The following IDH1 variants were observed in gnomAD, a reference collection of about 807,000 sequenced individuals.
The protein encoded by IDH1 is isocitrate dehydrogenase [NADP] cytoplasmic.
IDH1 carries 33 observed loss-of-function variants against 46.1 expected under a neutral mutation model. That is an observed-to-expected ratio of 0.72 (90% confidence interval 0.54 to 0.96). IDH1 has a LOEUF of 0.96. IDH1 is among the 40% of genes least tolerant of loss of function. The probability of loss-of-function intolerance (pLI) is 0.00; values close to 1 mark genes in which losing one functional copy is unlikely to be tolerated. For missense variants in IDH1, 421 were observed against 515.7 expected (o/e 0.82, Z 1.78); for synonymous variants, 144 against 172.8 (o/e 0.83, Z 1.31).
chr2:208,254,885 G>A (rs190399516), intron 1 of IDH1, 54 bp downstream of exon 1: 3 of 152,442 alleles, frequency 2.0e-5, no homozygotes, highest in Admixed American at 2.0e-4. Flanking sequence ...TGCGGAATTA[G>A]AGCCACCCCT....
chr2:208,245,543 C>CTTATTT, intron 4 of IDH1, 119 bp from the exon 5 acceptor site: 1 of 310,858 alleles, frequency 3.2e-6, no homozygotes, highest in Admixed American at 6.3e-5. Context: ...GTATGTCAAA[C>CTTATTT]TTCTTTTTTT....
intron 5 of IDH1, 25 bp from the exon 6 acceptor site, chr2:208,243,629 G>GA: frequency 1.3e-6 from 2 of 1,577,356 alleles, no homozygotes; most frequent in Non-Finnish European, 8.7e-7. Context: ...CCAGTGAGAG[G>GA]AAAAAAGGGA....
At chr2:208,241,921 A>G (rs1239695804) in intron 7 of IDH1, 73 bp downstream of exon 7, 3 of 1,508,336 alleles carry the variant, frequency 2.0e-6, no homozygotes, top group Non-Finnish European at 2.8e-6. Context: ...AAGGACTACA[A>G]AACTCCCCTT....
rs548881825 is a variant in IDH1, at chr2:208,238,975, A to G, written c.1154+96T>C. The G allele has an allele frequency of 3.7e-4, 412 of 1,122,994 alleles. 3 individuals carry two copies. In the Admixed American group the frequency reaches 6.6e-3, roughly 18 times the overall value. The allele number at this position is 1,122,994 out of a possible 1,614,324, so 69.6% of individuals were successfully genotyped here. On this transcript the variant is annotated intron_variant, in intron 9 of 9. Coordinates refer to ENST00000345146, the MANE Select transcript of IDH1 (RefSeq NM_005896.4). ...TGCTGACTCCTGAACTAGATGATGA[A>G]TAACAATTTATATAATTCCAGAAAG...
Position 208,239,938 on chromosome 2 carries a change from C to G in IDH1, c.916G>C (p.Glu306Gln). ...CGGGTTACAGTCCCGTGGGCAGCCT[C>G]TGCTTCTACTGTCTTGCCATCTGGA... ...VCPDGKTVEAEAAHGTVTRHY... is the reference protein window; with the variant it reads ...VCPDGKTVEAQAAHGTVTRHY... Residue 306 changes from glutamate to glutamine, a missense_variant, in exon 8 of 10, where the codon GAG becomes CAG. Physicochemically the swap from Glu to Gln is conservative, Grantham distance 29 (BLOSUM62 2). Coordinates refer to ENST00000345146, the MANE Select transcript of IDH1 (RefSeq NM_005896.4). 1 of 1,614,194 alleles carries G rather than the reference C, an allele frequency of 6.2e-7. No individual in the cohort carries two copies. The highest frequency in any genetic ancestry group is 8.5e-7 in the Non-Finnish European group (1 of 1,180,026).
intron 3 of IDH1, 79 bp from the exon 4 acceptor site, chr2:208,248,739 G>C: frequency 7.5e-7 from 1 of 1,329,386 alleles, no homozygotes; most frequent in Non-Finnish European, 1.1e-6. Flanking sequence ...ATGGCATATA[G>C]AGCTCATTAT....
chr2:208,243,334 C>T, intron 6 of IDH1, 93 bp downstream of exon 6: 1 of 955,556 alleles, frequency 1.0e-6, no homozygotes, highest in Non-Finnish European at 1.6e-6. Flanking sequence ...ACTCAATTTA[C>T]CCAGAATCAT....
chr2:208,246,284 A>G (rs924277572), intron 4 of IDH1, among the ~76,000 whole-genome samples: 1 of 152,206 alleles, frequency 6.6e-6, no homozygotes, highest in Non-Finnish European at 1.5e-5. Context: ...ATCTTCTTCA[A>G]TGAATTGAAT....
At position 208,248,394 on chromosome 2, in the gene IDH1, A is replaced by G. The variant is rs1461843626; in HGVS notation, c.389T>C (p.Ile130Thr). Residue 130 changes from isoleucine to threonine, a missense_variant, in exon 4 of 10, where the codon ATA becomes ACA. Physicochemically the swap from Ile to Thr is moderately conservative, Grantham distance 89. Transcript: ENST00000345146. ...LVSGWVKPII[I>T]GRHAYGDQYR... ...TTGATCCCCATAAGCATGACGACCTATGATGATAGGTTTTACCCATCCACT... is the reference window on the plus strand; with the variant it reads ...TTGATCCCCATAAGCATGACGACCTGTGATGATAGGTTTTACCCATCCACT... 5 of 1,613,908 alleles carry G rather than the reference A, an allele frequency of 3.1e-6. No homozygotes were observed. In the South Asian group the frequency reaches 5.5e-5, roughly 18 times the overall value.
In IDH1 at chr2:208,251,590, T is replaced by C. The variant is rs372748968; in HGVS notation, c.-16-23A>G. On this transcript the variant is annotated intron_variant, in intron 2 of 9. Coordinates refer to ENST00000345146, the MANE Select transcript of IDH1 (RefSeq NM_005896.4). ...AACCTAAAAAGAAAAAAAAAATACA[T>C]GCCTTGTCATTTATTTCATTATAAA... 7.6e-6 allele frequency: 12 copies of C among 1,582,632 alleles called. 1 individual carries two copies. In the African/African-American group the frequency reaches 1.1e-4, roughly 14 times the overall value.
intron 8 of IDH1, among the ~76,000 whole-genome samples, chr2:208,239,624 C>T (rs1687880230): frequency 6.6e-6 from 1 of 152,194 alleles, no homozygotes; most frequent in African/African-American, 2.4e-5. Flanking sequence ...TTTCACTGCA[C>T]CAGAGGTAAA....
At position 208,237,654 on chromosome 2, in the gene IDH1, C is replaced by T. The variant is rs540991868; in HGVS notation, c.1155-485G>A. On this transcript the variant is annotated intron_variant, in intron 9 of 9. Coordinates refer to ENST00000345146, the MANE Select transcript of IDH1 (RefSeq NM_005896.4). The stretch of plus-strand genomic sequence containing the variant: ...ACAAAAGACAGGCCGGGCCTGGTGG[C>T]TCACGCCTATAATCCCAGCACTTTG... 1.2e-4 allele frequency among the ~76,000 whole-genome samples: 18 copies of T among 152,010 alleles called. No homozygotes were observed. In the South Asian group the frequency reaches 3.7e-3, roughly 32 times the overall value.
At chr2:208,240,327 T>G (rs779493260) in intron 7 of IDH1, 15 of 329,390 alleles carry the variant, frequency 4.6e-5, no homozygotes, top group Non-Finnish European at 7.7e-5. Flanking sequence ...TTCTTATCTG[T>G]AAAATGGGAG....
intron 8 of IDH1, 21 bp from the exon 9 acceptor site, chr2:208,239,254 C>A (rs2124847874): frequency 6.2e-7 from 1 of 1,611,880 alleles, no homozygotes; most frequent in Non-Finnish European, 8.5e-7. Flanking sequence ...GGAAAAAAAA[C>A]ACAACACTCC....
chr2:208,238,110 A>G (rs1279448076), intron 9 of IDH1, among the ~76,000 whole-genome samples: 1 of 146,306 alleles, frequency 6.8e-6, no homozygotes, highest in Admixed American at 6.9e-5. Context: ...ATCTCGGCTC[A>G]CTGCAAGCTC....
intron 4 of IDH1, chr2:208,248,097 T>C (rs1688055921): frequency 2.0e-6 from 1 of 489,332 alleles, no homozygotes; most frequent in Admixed American, 3.6e-5. Context: ...GGCAATATCA[T>C]ATGGTATAAC....
chr2:208,239,942 T>C lies in IDH1; in HGVS notation c.912A>G (p.Glu304=), dbSNP rs747198657. Residue 304 remains glutamate (E), a synonymous_variant, in exon 8 of 10, where the codon GAA becomes GAG. Transcript: ENST00000345146. ...VLVCPDGKTV[E]AEAAHGTVTR... is the part of the protein sequence containing the mutation. ...TTACAGTCCCGTGGGCAGCCTCTGC[T>C]TCTACTGTCTTGCCATCTGGACAAA... is the stretch of plus-strand genomic sequence containing the variant. 6.2e-7 allele frequency: 1 copy of C among 1,614,144 alleles called. No homozygotes were observed. The highest frequency in any genetic ancestry group is 8.5e-7 in the Non-Finnish European group (1 of 1,180,002).
chr2:208,239,731 G>T (rs1306756408), intron 8 of IDH1, 132 bp downstream of exon 8: 3 of 856,676 alleles, frequency 3.5e-6, no homozygotes, highest in African/African-American at 3.3e-5. Flanking sequence ...TATTCAAATA[G>T]ATCTTACTAG....
chr2:208,238,764 C>G (rs1027773789), intron 9 of IDH1, among the ~76,000 whole-genome samples: 3 of 152,168 alleles, frequency 2.0e-5, no homozygotes, highest in Non-Finnish European at 4.4e-5. Flanking sequence ...AGCACATGAA[C>G]CAAATCGAGG....
Sources: allele counts gnomAD v4.1 joint callset (sites outside exome capture counted in the v4.1 genomes callset), GRCh38; gene constraint gnomAD v4.1.1; transcripts MANE v1.5; gene names NCBI Gene and HGNC (gene_info 2026-07-23, HGNC 2026-07-21).